DMD: variants seen among roughly 807,000 people sequenced by gnomAD.
DMD encodes mutant dystrophin.
In DMD, 63 loss-of-function variants were observed where a neutral mutation model predicts 330.1. The observed-to-expected ratio is 0.19, with a 90% CI of 0.16 to 0.24. The LOEUF is 0.24. Ranked by LOEUF, DMD falls within the 10% of genes least tolerant of loss-of-function variation. The pLI is 1.00. For missense variants in DMD, 3,344 were observed against 2,684.1 expected (o/e 1.25, Z -5.43); for synonymous variants, 1,223 against 959.8 (o/e 1.27, Z -5.07).
intron 52 of DMD, among the ~76,000 whole-genome samples, chrX:31,707,172 C>A (rs2084263072): frequency 9.1e-6 from 1 of 109,357 alleles, no homozygotes; most frequent in South Asian, 4.0e-4. Context: ...TCAGTCTAAA[C>A]CTTCCTAAAT....
intron 2 of DMD, among the ~76,000 whole-genome samples, chrX:32,863,720 A>G (rs2082270100): frequency 9.0e-6 from 1 of 111,056 alleles, no homozygotes; most frequent in African/African-American, 3.3e-5. Context: ...GGGCATCCAA[A>G]GATGACTTTA....
At chrX:31,742,591 G>A in intron 51 of DMD, among the ~76,000 whole-genome samples, 1 of 111,803 alleles carries the variant, frequency 8.9e-6, no homozygotes, top group East Asian at 2.8e-4. Flanking sequence ...AATAAGTAAT[G>A]GGAAAAGGAC....
rs780708313 is a variant in DMD, at chrX:31,626,745, A to G, written c.8217+928T>C. ...CTGCTTATTATGATTTGATTCTGGA[A>G]TTATTCAAACTAGAATATACTTTTC... On this transcript the variant is annotated intron_variant, in intron 55 of 78. Transcript: ENST00000357033. Among the ~76,000 whole-genome samples, 189 of 112,276 alleles carry G rather than the reference A, an allele frequency of 1.7e-3. 3 individuals carry two copies. Among genetic ancestry groups the G allele is most frequent in the African/African-American group, 5.7e-3 (177 of 30,969 alleles).
intron 13 of DMD, among the ~76,000 whole-genome samples, chrX:32,592,850 G>A (rs139550614): frequency 0.064 from 7,198 of 112,056 alleles, 212 homozygotes; most frequent in Middle Eastern, 0.1. Context: ...AGGTGCCACC[G>A]CGATCCCCTG....
intron 29 of DMD, among the ~76,000 whole-genome samples, chrX:32,416,031 T>G (rs1036898533): frequency 1.5e-4 from 17 of 112,199 alleles, no homozygotes; most frequent in Non-Finnish European, 2.8e-4. Context: ...CTAACCTTTG[T>G]ACCACAATAT....
chrX:32,138,382 T>C (rs1406483396), intron 44 of DMD, among the ~76,000 whole-genome samples: 1 of 111,532 alleles, frequency 9.0e-6, no homozygotes, highest in African/African-American at 3.3e-5. Flanking sequence ...TGAATTCACC[T>C]GTCAAATGAA....
At chrX:31,362,991 A>T (rs2059023792) in intron 60 of DMD, among the ~76,000 whole-genome samples, 2 of 111,957 alleles carry the variant, frequency 1.8e-5, no homozygotes, top group African/African-American at 6.5e-5. Context: ...AACAGAGTAA[A>T]CTTCCAGAGT....
intron 52 of DMD, among the ~76,000 whole-genome samples, chrX:31,719,253 G>C (rs2085295159): frequency 8.9e-6 from 1 of 112,217 alleles, no homozygotes; most frequent in African/African-American, 3.2e-5. Flanking sequence ...CAGGTAGATA[G>C]TATAGCTTTC....
chrX:31,879,599 A>G (rs770000096), intron 47 of DMD, among the ~76,000 whole-genome samples: 9 of 112,411 alleles, frequency 8.0e-5, no homozygotes, highest in Non-Finnish European at 1.9e-5. Context: ...GGTATAACAT[A>G]TCTAAAGCCA....
intron 7 of DMD, among the ~76,000 whole-genome samples, chrX:32,804,354 C>A (rs759783069): frequency 3.5e-4 from 39 of 112,359 alleles, no homozygotes; most frequent in African/African-American, 1.1e-3. Context: ...AACAAAGTCG[C>A]TGGGAAGTTC....
intron 55 of DMD, among the ~76,000 whole-genome samples, chrX:31,510,708 A>C (rs761259868): frequency 2.8e-3 from 303 of 109,376 alleles, no homozygotes; most frequent in African/African-American, 9.8e-3. Flanking sequence ...ACAGGGTTTC[A>C]CCATGTTAGC....
chrX:31,963,108 T>C (rs1193540529), intron 45 of DMD, among the ~76,000 whole-genome samples: 2 of 111,839 alleles, frequency 1.8e-5, no homozygotes, highest in Non-Finnish European at 3.8e-5. Flanking sequence ...AGGAAGCGCA[T>C]AGAGCAATAT....
intron 43 of DMD, among the ~76,000 whole-genome samples, chrX:32,235,700 T>G (rs1162242768): frequency 9.0e-6 from 1 of 111,498 alleles, no homozygotes; most frequent in Non-Finnish European, 1.9e-5. Flanking sequence ...AAAATAAGTA[T>G]CATGTACAAA....
At chrX:32,994,654 A>G (rs774009987) in intron 2 of DMD, among the ~76,000 whole-genome samples, 1 of 111,534 alleles carries the variant, frequency 9.0e-6, no homozygotes, top group Non-Finnish European at 1.9e-5. Context: ...TTCCAAAATG[A>G]CCATACTAAT....
chrX:32,335,512 CAT>C (rs1491073961), intron 41 of DMD, among the ~76,000 whole-genome samples: 13 of 62,046 alleles, frequency 2.1e-4, no homozygotes, highest in East Asian at 7.8e-4. Flanking sequence ...ATATATATAA[CAT>C]GTGTATGTTA....
intron 44 of DMD, among the ~76,000 whole-genome samples, chrX:32,110,019 A>G (rs758663807): frequency 1.1e-4 from 12 of 112,001 alleles, no homozygotes; most frequent in African/African-American, 3.9e-4. Context: ...TTCAATGGCT[A>G]TGACTTTTAT....
intron 60 of DMD, among the ~76,000 whole-genome samples, chrX:31,424,357 C>G (rs1226852889): frequency 8.9e-6 from 1 of 111,926 alleles, no homozygotes. Context: ...AATCGAGTTA[C>G]ATGATCTCTG....
chrX:31,955,297 G>A (rs2095234385), intron 45 of DMD, among the ~76,000 whole-genome samples: 1 of 112,203 alleles, frequency 8.9e-6, no homozygotes. Context: ...CATAAATGTA[G>A]TGGGGAATAT....
intron 63 of DMD, among the ~76,000 whole-genome samples, chrX:31,260,176 A>G (rs1470748122): frequency 9.0e-6 from 1 of 111,604 alleles, no homozygotes; most frequent in Admixed American, 9.5e-5. Context: ...CAGGGGTTCG[A>G]GGCTGCAATA....
Sources: allele counts gnomAD v4.1 joint callset (sites outside exome capture counted in the v4.1 genomes callset), GRCh38; gene constraint gnomAD v4.1.1; transcripts MANE v1.5; gene names NCBI Gene and HGNC (gene_info 2026-07-23, HGNC 2026-07-21).